Variants in ELOB observed in about 807,000 individuals in gnomAD.
ELOB encodes elongin-B.
In ELOB, 3 loss-of-function variants were observed where a neutral mutation model predicts 12.9. The ratio of observed to expected loss-of-function variants is 0.23; its 90% CI spans 0.11 to 0.60. ELOB has a LOEUF of 0.60. ELOB is among the 20% of genes least tolerant of loss of function. ELOB has a pLI of 0.89. For missense variants in ELOB, 126 were observed against 159.2 expected (o/e 0.79, Z 1.12); for synonymous variants, 84 against 67.4 (o/e 1.25, Z -1.21).
At chr16:2,775,590 T>C in intron 2 of ELOB, 34 bp from the exon 3 acceptor site, 1 of 1,570,940 alleles carries the variant, frequency 6.4e-7, no homozygotes, top group Non-Finnish European at 8.7e-7. Context: ...GGAGAGGCCC[T>C]ACATGGGGCA....
intron 2 of ELOB, 79 bp from the exon 3 acceptor site, chr16:2,775,635 A>G (rs2068795069): frequency 8.6e-7 from 1 of 1,159,408 alleles, no homozygotes; most frequent in South Asian, 1.4e-5. Context: ...ACTACACGGG[A>G]AGTCAGAGGA....
At chr16:2,777,185 C>T (rs1596303778) in intron 1 of ELOB, 52 bp downstream of exon 1, 1 of 1,007,318 alleles carries the variant, frequency 9.9e-7, no homozygotes, top group Non-Finnish European at 1.2e-6. Flanking sequence ...GGCCCAGCCG[C>T]CCCCCGCCGC....
intron 2 of ELOB, among the ~76,000 whole-genome samples, chr16:2,776,760 A>G (rs2068803339): frequency 6.6e-6 from 1 of 152,238 alleles, no homozygotes; most frequent in African/African-American, 2.4e-5. Flanking sequence ...GTTGCATGCC[A>G]CGGTGCCCTC....
At position 2,771,493 on chromosome 16, in the gene ELOB, G is replaced by A. The variant is rs1446376668; in HGVS notation, c.*497C>T. 6.2e-7 allele frequency: 1 copy of A among 1,614,222 alleles called. No individual in the cohort carries two copies. Reference sequence around the variant, plus strand: ...GTGATTACAGCCCCCAGCGTGGGTGGACCTGTGTGGGTCCGTCTTGGGGTT... The same window carrying A: ...GTGATTACAGCCCCCAGCGTGGGTGAACCTGTGTGGGTCCGTCTTGGGGTT... On this transcript the variant is annotated 3_prime_UTR_variant, in exon 4 of 4. Coordinates refer to ENST00000409906, the MANE Select transcript of ELOB (RefSeq NM_007108.4).
intron 3 of ELOB, among the ~76,000 whole-genome samples, chr16:2,773,349 A>G (rs1377917967): frequency 6.6e-6 from 1 of 152,132 alleles, no homozygotes; most frequent in African/African-American, 2.4e-5. Flanking sequence ...AATCCAGCCC[A>G]ATGTGCCCAC....
At chr16:2,777,178 C>G in intron 1 of ELOB, 51 bp from the exon 2 acceptor site, 1 of 1,039,908 alleles carries the variant, frequency 9.6e-7, no homozygotes, top group Non-Finnish European at 1.2e-6. Flanking sequence ...CCCGCGCGGC[C>G]CAGCCGCCCC....
At chr16:2,776,146 T>C (rs1257993032) in intron 2 of ELOB, among the ~76,000 whole-genome samples, 1 of 152,166 alleles carries the variant, frequency 6.6e-6, no homozygotes, top group African/African-American at 2.4e-5. Context: ...AGGGTTTCAA[T>C]GAGCTAGGAA....
Position 2,771,928 on chromosome 16 carries a change from G to A in ELOB, c.*62C>T, listed in dbSNP as rs934593142. 1.9e-6 allele frequency: 3 copies of A among 1,559,198 alleles called. No homozygotes were observed. The highest frequency in any genetic ancestry group is 2.7e-5 in the African/African-American group (2 of 73,098). ...ATCCCAGGGAGGGGCGGGAAAAAGA[G>A]GCAGCAACCAGGCAGACTCCCAAAT... On this transcript the variant is annotated 3_prime_UTR_variant, in exon 4 of 4. Transcript: ENST00000409906.
chr16:2,775,631 C>T (rs780915754), intron 2 of ELOB, 75 bp from the exon 3 acceptor site: 44 of 1,233,390 alleles, frequency 3.6e-5, no homozygotes, highest in African/African-American at 1.9e-4. Flanking sequence ...AGCAACTACA[C>T]GGGAAGTCAG....
Position 2,772,082 on chromosome 16 carries a change from A to C in ELOB, c.265T>G (p.Cys89Gly). The change falls in exon 4 of 4, where the codon TGC becomes GGC. Residue 89 changes from cysteine to glycine, a missense_variant. Physicochemically the swap from Cys to Gly is radical, Grantham distance 159 (BLOSUM62 -3). Transcript: ENST00000409906. ...GGCGGGCTGGAAAACGGCTCGATGCACAGGGCCTCAAAGGTGTCATCTGTG... is the reference window on the plus strand; with the variant it reads ...GGCGGGCTGGAAAACGGCTCGATGCCCAGGGCCTCAAAGGTGTCATCTGTG... ...FRADDTFEAL[C>G]IEPFSSPPEL... 1.2e-6 allele frequency: 2 copies of C among 1,611,826 alleles called. No homozygotes were observed. The highest frequency in any genetic ancestry group is 1.7e-6 in the Non-Finnish European group (2 of 1,178,808).
intron 2 of ELOB, among the ~76,000 whole-genome samples, 172 bp downstream of exon 2, chr16:2,776,821 C>G (rs1357792333): frequency 6.6e-6 from 1 of 152,032 alleles, no homozygotes; most frequent in South Asian, 2.1e-4. Flanking sequence ...GACCGGAGAT[C>G]CCCGCGGCGA....
intron 3 of ELOB, chr16:2,772,314 G>A: frequency 2.2e-6 from 1 of 445,754 alleles, no homozygotes; most frequent in South Asian, 4.2e-5. Context: ...CAACCTGAAG[G>A]TCCCCAGCCC....
At chr16:2,775,144 C>T (rs755242106) in intron 3 of ELOB, among the ~76,000 whole-genome samples, 5 of 152,116 alleles carry the variant, frequency 3.3e-5, no homozygotes, top group Non-Finnish European at 5.9e-5. Flanking sequence ...TGAGACAGGG[C>T]AGTGGAAGCC....
chr16:2,774,488 G>A (rs2068787806), intron 3 of ELOB, among the ~76,000 whole-genome samples: 1 of 152,240 alleles, frequency 6.6e-6, no homozygotes, highest in Non-Finnish European at 1.5e-5. Context: ...GGAGGGCAAG[G>A]TAGCTGGCCA....
rs2068805859 is a variant in ELOB at position 2,777,084 on chromosome 16, G to A, written c.47C>T (p.Thr16Met). Residue 16 changes from threonine to methionine, a missense_variant, in exon 2 of 4, where the codon ACG becomes ATG. Transcript: ENST00000409906. ...CACCGTGCTGGACTCCTTGGCGTCC[G>A]TGAAGATGGTGGTCTTGTGGCGCCG... ...MIRRHKTTIF[T>M]DAKESSTVFE... 4 of 1,599,440 alleles carry A rather than the reference G, an allele frequency of 2.5e-6. No homozygotes were observed. Among genetic ancestry groups the A allele is most frequent in the East Asian group, 4.6e-5 (2 of 43,150 alleles).
chr16:2,771,614 T>TG lies in ELOB; in HGVS notation c.*375dup, dbSNP rs771135263. ...GGAGTGGACATGCAGGCTATGGGGG[T>TG]GGGGGGCACTTAGAAGGAGAAAGGC... On this transcript the variant is annotated 3_prime_UTR_variant, in exon 4 of 4. Coordinates refer to ENST00000409906, the MANE Select transcript of ELOB (RefSeq NM_007108.4). The TG allele has an allele frequency of 6.8e-6, 11 of 1,611,668 alleles. No homozygotes were observed. The Admixed American group carries it at 1.3e-4, about 20-fold the overall frequency.
intron 3 of ELOB, among the ~76,000 whole-genome samples, chr16:2,775,043 C>G (rs959107408): frequency 2.0e-5 from 3 of 152,156 alleles, no homozygotes; most frequent in Non-Finnish European, 4.4e-5. Context: ...GCATCCTAAC[C>G]GTGGCTCCCT....
intron 2 of ELOB, among the ~76,000 whole-genome samples, 191 bp downstream of exon 2, chr16:2,776,802 T>C (rs1004446443): frequency 4.6e-5 from 7 of 152,156 alleles, no homozygotes; most frequent in Admixed American, 4.6e-4. Flanking sequence ...GGTCTAAACA[T>C]CGCCCCCGGA....
At position 2,776,770 on chromosome 16, in the gene ELOB, CGGCGCCCGG is replaced by C. The variant is rs777254736; in HGVS notation, c.138+214_138+222del. Reference sequence around the variant, plus strand: ...CAGGGGTTGCATGCCACGGTGCCCTCGGCGCCCGGGGCCCGGCACGAGGTCTAAACATCG... The same window carrying C: ...CAGGGGTTGCATGCCACGGTGCCCTCGGCCCGGCACGAGGTCTAAACATCG... On this transcript the variant is annotated intron_variant, in intron 2 of 3. Transcript: ENST00000409906. 6.4e-4 allele frequency among the ~76,000 whole-genome samples: 98 copies of C among 152,366 alleles called. No homozygotes were observed. The Middle Eastern group carries it at 0.01, about 16-fold the overall frequency.
Sources: gnomAD v4.1 joint callset for allele counts (sites outside exome capture counted in the v4.1 genomes callset) on GRCh38, gnomAD v4.1.1 for gene constraint, MANE v1.5 for transcripts, NCBI Gene and HGNC (gene_info 2026-07-23, HGNC 2026-07-21) for gene names.